CISD1: variants seen among roughly 807,000 people sequenced by gnomAD.
The protein encoded by CISD1 is CDGSH iron-sulfur domain-containing protein 1.
CISD1 carries 8 observed loss-of-function variants against 12.0 expected under a neutral mutation model. The ratio of observed to expected loss-of-function variants is 0.67; its 90% CI spans 0.39 to 1.20. CISD1 has a LOEUF of 1.20. CISD1 is among the 50% of genes most tolerant of loss of function. The pLI, the probability that CISD1 is intolerant of heterozygous loss-of-function variation, is 0.01. For synonymous variants in CISD1, 38 were observed against 42.2 expected (o/e 0.90, Z 0.39); for missense variants, 107 against 132.7 (o/e 0.81, Z 0.95).
At chr10:58,287,527 T>G in intron 2 of CISD1, 34 bp from the exon 3 acceptor site, 1 of 1,472,934 alleles carries the variant, frequency 6.8e-7, no homozygotes, top group Non-Finnish European at 9.4e-7. Context: ...GATTTTGAGA[T>G]TAGATGTTTC....
intron 2 of CISD1, among the ~76,000 whole-genome samples, chr10:58,277,937 G>A (rs1839333838): frequency 6.6e-6 from 1 of 152,076 alleles, no homozygotes; most frequent in Non-Finnish European, 1.5e-5. Flanking sequence ...AAAATCACCC[G>A]TAAAAACTTA....
intron 2 of CISD1, among the ~76,000 whole-genome samples, chr10:58,286,972 A>G (rs1249000203): frequency 6.6e-6 from 1 of 152,132 alleles, no homozygotes; most frequent in Non-Finnish European, 1.5e-5. Context: ...GTTTTTTGAG[A>G]CCAAGGCTGG....
rs1839206081 is a variant in CISD1, at chr10:58,269,170, G to A, written c.-104G>A. ...CGCGGCGCCTGCGCGGTAGCATCGC[G>A]GAGTCGGTGCTTTAGTACGCCGCTG... On this transcript the variant is annotated 5_prime_UTR_variant, in exon 1 of 3. Transcript: ENST00000333926. 2.4e-6 allele frequency: 3 copies of A among 1,232,632 alleles called. No homozygotes were observed. The highest frequency in any genetic ancestry group is 3.5e-6 in the Non-Finnish European group (3 of 851,296). 76.4% of individuals were successfully genotyped at this position (1,232,632 alleles called of 1,614,324 possible). A position where few individuals can be genotyped will look rare whatever the true frequency, so the allele number is the denominator to read the frequency against.
In CISD1 at chr10:58,285,981, G is replaced by A. The variant is rs538658507; in HGVS notation, c.238-1580G>A. 2.9e-3 allele frequency among the ~76,000 whole-genome samples: 436 copies of A among 152,104 alleles called. 3 individuals are homozygous for A. The highest frequency in any genetic ancestry group is 0.02 in the South Asian group (95 of 4,828). ...AGCACTTTGGGAGGCCGAGGCAGGC[G>A]GATCACGAGGTCAGGAGATCGAGAC... On this transcript the variant is annotated intron_variant, in intron 2 of 2. Coordinates refer to ENST00000333926, the MANE Select transcript of CISD1 (RefSeq NM_018464.5).
intron 1 of CISD1, among the ~76,000 whole-genome samples, chr10:58,275,029 T>C (rs187213360): frequency 1.3e-5 from 2 of 152,348 alleles, no homozygotes; most frequent in African/African-American, 2.4e-5. Flanking sequence ...GTTTGCAATA[T>C]GCAGGTGCCA....
chr10:58,276,386 C>T (rs1839315116), intron 1 of CISD1, among the ~76,000 whole-genome samples: 4 of 151,762 alleles, frequency 2.6e-5, no homozygotes, highest in Admixed American at 2.6e-4. Flanking sequence ...GAGAATATAA[C>T]TATACTTATA....
chr10:58,282,977 T>TAAGAATACAGACAGCAA (rs1444426524), intron 2 of CISD1: 1 of 152,080 alleles, frequency 6.6e-6, no homozygotes, highest in Middle Eastern at 3.2e-3. Flanking sequence ...GAATACAGAC[T>TAAGAATACAGACAGCAA]AAGAAGAAAG....
In CISD1 at chr10:58,277,215, A is replaced by G. The variant is rs1839325109; in HGVS notation, c.130A>G (p.Met44Val). 3.7e-6 allele frequency: 6 copies of G among 1,613,210 alleles called. No individual in the cohort carries two copies. The highest frequency in any genetic ancestry group is 1.3e-5 in the African/African-American group (1 of 75,008). ...TGTTAAAGATCATCGAAATAAAGCT[A>G]TGATAAACCTTCACATCCAGAAAGA... ...FYVKDHRNKA[M>V]INLHIQKDNP... is the part of the protein sequence containing the mutation. Residue 44 changes from methionine (M) to valine (V), a missense_variant, in exon 2 of 3, where the codon ATG becomes GTG. Met to Val is a conservative substitution (Grantham distance 21). Coordinates refer to ENST00000333926, the MANE Select transcript of CISD1 (RefSeq NM_018464.5).
chr10:58,281,973 C>G, intron 2 of CISD1, among the ~76,000 whole-genome samples: 1 of 113,006 alleles, frequency 8.8e-6, no homozygotes, highest in South Asian at 2.9e-4. Context: ...TTTTTTTTTT[C>G]TTTTTCTTGA....
At chr10:58,285,342 A>G (rs1014066121) in intron 2 of CISD1, among the ~76,000 whole-genome samples, 1 of 152,198 alleles carries the variant, frequency 6.6e-6, no homozygotes, top group Non-Finnish European at 1.5e-5. Context: ...CCTTTTGGAT[A>G]TCAAAGTTTA....
chr10:58,273,712 T>TA (rs1435642885), intron 1 of CISD1, among the ~76,000 whole-genome samples: 1 of 152,238 alleles, frequency 6.6e-6, no homozygotes, highest in Non-Finnish European at 1.5e-5. Flanking sequence ...TTGGAAGTGT[T>TA]ACCTTTCTCT....
At chr10:58,282,458 A>C (rs192683415) in intron 2 of CISD1, among the ~76,000 whole-genome samples, 2 of 152,348 alleles carry the variant, frequency 1.3e-5, no homozygotes, top group East Asian at 3.9e-4. Flanking sequence ...TACCTAATAC[A>C]GTGTGAATGC....
intron 2 of CISD1, among the ~76,000 whole-genome samples, chr10:58,278,567 A>G (rs979920594): frequency 1.3e-5 from 2 of 152,146 alleles, no homozygotes; most frequent in African/African-American, 4.8e-5. Flanking sequence ...CAATGAAAAA[A>G]ATAATGTTAA....
chr10:58,288,557 A>G lies in CISD1; in HGVS notation c.*907A>G, dbSNP rs1839455025. On this transcript the variant is annotated 3_prime_UTR_variant, in exon 3 of 3. Coordinates refer to ENST00000333926, the MANE Select transcript of CISD1 (RefSeq NM_018464.5). Reference sequence around the variant, plus strand: ...TTTTTCCCACTCTAGCTAATCAAGCACATGGCTTTTAAATTGTATGATCTT... The same window carrying G: ...TTTTTCCCACTCTAGCTAATCAAGCGCATGGCTTTTAAATTGTATGATCTT... 1.3e-5 allele frequency: 2 copies of G among 152,284 alleles called. No homozygotes were observed. Among genetic ancestry groups the G allele is most frequent in the Admixed American group, 1.3e-4 (2 of 15,278 alleles). 9.4% of individuals were successfully genotyped at this position (152,284 alleles called of 1,614,324 possible).
chr10:58,281,332 G>A (rs1373930765), intron 2 of CISD1, among the ~76,000 whole-genome samples: 1 of 152,238 alleles, frequency 6.6e-6, no homozygotes, highest in East Asian at 1.9e-4. Context: ...GAGGGAATGA[G>A]ACCAGTCATT....
In CISD1 at chr10:58,288,137, T is replaced by C. The variant is rs1004540634; in HGVS notation, c.*487T>C. 1 of 152,378 alleles carries C rather than the reference T, an allele frequency of 6.6e-6. No homozygotes were observed. Among genetic ancestry groups the C allele is most frequent in the African/African-American group, 2.4e-5 (1 of 41,466 alleles). 9.4% of individuals were successfully genotyped at this position (152,378 alleles called of 1,614,324 possible). A position where few individuals can be genotyped will look rare whatever the true frequency, so the allele number is the denominator to read the frequency against. On this transcript the variant is annotated 3_prime_UTR_variant, in exon 3 of 3. Transcript: ENST00000333926. ...TGTTGTAGCCTTGATTTTCTTGACA[T>C]TGGTAATGACACTGAGAAAATATGG...
chr10:58,287,635 G>C lies in CISD1; in HGVS notation c.312G>C (p.Lys104Asn), dbSNP rs377754753. 6 of 1,606,956 alleles carry C rather than the reference G, an allele frequency of 3.7e-6. No homozygotes were observed. The highest frequency in any genetic ancestry group is 5.1e-6 in the Non-Finnish European group (6 of 1,175,834). Residue 104 changes from lysine (K) to asparagine (N), a missense_variant, in exon 3 of 3, where the codon AAG becomes AAC. Coordinates refer to ENST00000333926, the MANE Select transcript of CISD1 (RefSeq NM_018464.5). Reference sequence around the variant, plus strand: ...ACAATGTGGGCCCTCTGATCATCAAGAAAAAAGAAACTTAAATGGACACTT... The same window carrying C: ...ACAATGTGGGCCCTCTGATCATCAACAAAAAAGAAACTTAAATGGACACTT... Reference protein sequence around the residue: ...TGDNVGPLIIKKKET With the variant: ...TGDNVGPLIINKKET
intron 2 of CISD1, among the ~76,000 whole-genome samples, chr10:58,286,999 C>T (rs150855355): frequency 6.6e-6 from 1 of 152,174 alleles, no homozygotes; most frequent in South Asian, 2.1e-4. Flanking sequence ...GTGGCACAAT[C>T]TCGGCTCACC....
intron 1 of CISD1, among the ~76,000 whole-genome samples, chr10:58,274,597 A>G (rs1588980199): frequency 6.6e-6 from 1 of 152,092 alleles, no homozygotes; most frequent in African/African-American, 2.4e-5. Flanking sequence ...TTCCTCGAAC[A>G]CATGGTACTG....
Sources: allele counts gnomAD v4.1 joint callset (sites outside exome capture counted in the v4.1 genomes callset), GRCh38; gene constraint gnomAD v4.1.1; transcripts MANE v1.5; gene names NCBI Gene and HGNC (gene_info 2026-07-23, HGNC 2026-07-21).